TEX101: variants seen among roughly 807,000 people sequenced by gnomAD.
The protein encoded by TEX101 is testis expressed 101.
In TEX101, 10 loss-of-function variants were observed where a neutral mutation model predicts 18.1. That is an observed-to-expected ratio of 0.55 (90% CI 0.34 to 0.94). TEX101 has a LOEUF of 0.94. Among genes scored for constraint, TEX101 ranks in the 40% least tolerant of loss-of-function variants. TEX101 has a pLI of 0.02. For missense variants in TEX101, 259 were observed against 298.9 expected (o/e 0.87, Z 0.98); for synonymous variants, 94 against 114.8 (o/e 0.82, Z 1.16).
At chr19:43,391,413 T>C in the TEX101 span, among the ~76,000 whole-genome samples, 8 of 148,580 alleles carry the variant, frequency 5.4e-5, no homozygotes, top group South Asian at 2.1e-4. Context: ...TTTCTTTTTT[T>C]TTTTTTTTTT....
chr19:43,406,534 C>T (rs1343855291), intron 3 of TEX101: 3 of 699,730 alleles, frequency 4.3e-6, no homozygotes, highest in Admixed American at 2.2e-5. Flanking sequence ...ATGGGCCTTG[C>T]GGGCTGTGGG....
chr19:43,389,947 C>T, the TEX101 span, among the ~76,000 whole-genome samples: 1 of 152,106 alleles, frequency 6.6e-6, no homozygotes, highest in African/African-American at 2.4e-5. Context: ...CAGCAGCATC[C>T]GAGCCAGCTT....
chr19:43,414,635 G>A (rs1970451200), upstream of TEX101, among the ~76,000 whole-genome samples: 1 of 152,176 alleles, frequency 6.6e-6, no homozygotes, highest in African/African-American at 2.4e-5. Flanking sequence ...GGCCAGGCGA[G>A]GCCATCTGGC....
chr19:43,388,838 G>A, the TEX101 span, among the ~76,000 whole-genome samples: 2 of 152,094 alleles, frequency 1.3e-5, no homozygotes, highest in African/African-American at 4.8e-5. Flanking sequence ...GATGTGAGGG[G>A]GGTTTCTGGG....
upstream of TEX101, among the ~76,000 whole-genome samples, chr19:43,412,890 C>T (rs915129116): frequency 1.2e-4 from 19 of 152,200 alleles, no homozygotes; most frequent in African/African-American, 4.6e-4. Context: ...TCCTGCTGCC[C>T]TCCTCCCCCG....
Position 43,416,168 on chromosome 19 carries a change from A to G in TEX101, c.134A>G (p.Asn45Ser), listed in dbSNP as rs779380495. 1 of 1,613,888 alleles carries G rather than the reference A, an allele frequency of 6.2e-7. No homozygotes were observed. Among genetic ancestry groups the G allele is most frequent in the African/African-American group, 1.3e-5 (1 of 74,928 alleles). ...TVEADPANMF[N>S]WTTEEVETCD... The stretch of plus-strand genomic sequence containing the variant: ...GAAGCAGATCCAGCCAATATGTTTA[A>G]CTGGACCACAGAGGAAGTGGAGACT... Residue 45 changes from asparagine to serine, a missense_variant, in exon 3 of 6, where the codon AAC (asparagine) becomes AGC (serine). By Grantham distance (46) the Asn-to-Ser change is conservative (BLOSUM62 1). Coordinates refer to ENST00000598265, the MANE Select transcript of TEX101 (RefSeq NM_001130011.3).
rs1411548374 is a variant in TEX101 at position 43,416,382 on chromosome 19, C to T, written c.218C>T (p.Thr73Ile). The change falls in exon 4 of 6, where the codon ACA becomes ATA. Residue 73 changes from threonine (T) to isoleucine (I), a missense_variant. Transcript: ENST00000598265. ...TILIIKAGTETAILATKGCIP... is the reference protein window; with the variant it reads ...TILIIKAGTEIAILATKGCIP... ...TCCTGTCTCATAACAGGGACTGAGA[C>T]AGCCATTTTGGCCACGAAGGGCTGC... 5 of 1,613,332 alleles carry T rather than the reference C, an allele frequency of 3.1e-6. No homozygotes were observed. In the East Asian group the frequency reaches 8.9e-5, roughly 29 times the overall value.
chr19:43,413,091 A>G (rs1163932776), upstream of TEX101, among the ~76,000 whole-genome samples: 1 of 152,216 alleles, frequency 6.6e-6, no homozygotes, highest in Non-Finnish European at 1.5e-5. Flanking sequence ...ATTATATGAA[A>G]AAGCATTGCA....
Position 43,416,485 on chromosome 19 carries a change from C to G in TEX101, c.321C>G (p.Asn107Lys), listed in dbSNP as rs61736284. The G allele has an allele frequency of 6.2e-7, 1 of 1,614,178 alleles. No individual in the cohort carries two copies. Among genetic ancestry groups the G allele is most frequent in the South Asian group, 1.1e-5 (1 of 91,090 alleles). ...PPGLIVTSYSNYCEDSFCNDK... is the reference protein window; with the variant it reads ...PPGLIVTSYSKYCEDSFCNDK... The stretch of plus-strand genomic sequence containing the variant: ...GCCTGATCGTGACCTCCTACAGTAA[C>G]TACTGTGAGGATTCCTTCTGTAATG... The change falls in exon 4 of 6, where the codon AAC becomes AAG. Residue 107 changes from asparagine (N) to lysine (K), a missense_variant. By Grantham distance (94) the Asn-to-Lys change is moderately conservative. Coordinates refer to ENST00000598265, the MANE Select transcript of TEX101 (RefSeq NM_001130011.3).
At chr19:43,391,238 T>C in the TEX101 span, among the ~76,000 whole-genome samples, 1 of 152,174 alleles carries the variant, frequency 6.6e-6, no homozygotes, top group African/African-American at 2.4e-5. Flanking sequence ...GGGCCCCTGC[T>C]TTCCGTTCTT....
intron 3 of TEX101, among the ~76,000 whole-genome samples, chr19:43,406,924 G>GTTTTTTTT (rs201495986): frequency 9.8e-6 from 1 of 101,970 alleles, no homozygotes; most frequent in African/African-American, 4.4e-5. Flanking sequence ...TTTTGTCTTT[G>GTTTTTTTT]TTTTTTGTTT....
intron 3 of TEX101, 38 bp downstream of exon 3, chr19:43,416,280 A>C: frequency 6.3e-7 from 1 of 1,590,280 alleles, no homozygotes; most frequent in African/African-American, 1.3e-5. Flanking sequence ...GGTAGGAGGG[A>C]GGTTGATTAT....
chr19:43,391,588 T>C, the TEX101 span, among the ~76,000 whole-genome samples: 7 of 152,120 alleles, frequency 4.6e-5, no homozygotes, highest in East Asian at 3.9e-4. Context: ...AGGTAGCACA[T>C]GGTGCATTGT....
At chr19:43,415,182 A>C in intron 1 of TEX101, 144 bp downstream of exon 1, 7 of 423,292 alleles carry the variant, frequency 1.7e-5, no homozygotes, top group South Asian at 1.1e-4. Context: ...CGATCCCTAC[A>C]TAGGACGGGG....
At chr19:43,397,037 C>CCCCCCGTCTCT (rs756107610), upstream of TEX101, among the ~76,000 whole-genome samples, 3,931 of 151,992 alleles carry the variant, frequency 0.026, 61 homozygotes, top group Middle Eastern at 0.099. Flanking sequence ...GGGGTTTCAC[C>CCCCCCGTCTCT]ATGTTAGCCA....
chr19:43,388,692 G>A, the TEX101 span, among the ~76,000 whole-genome samples: 3 of 152,234 alleles, frequency 2.0e-5, no homozygotes, highest in Admixed American at 6.5e-5. Flanking sequence ...TGGAGACCAT[G>A]TGTGTAACGG....
chr19:43,398,467 G>C (rs1970292770), upstream of TEX101, among the ~76,000 whole-genome samples: 1 of 151,272 alleles, frequency 6.6e-6, no homozygotes, highest in Non-Finnish European at 1.5e-5. Context: ...GTAGAGACAG[G>C]GTTTCACCAT....
At chr19:43,393,013 G>A in the TEX101 span, among the ~76,000 whole-genome samples, 2 of 151,328 alleles carry the variant, frequency 1.3e-5, no homozygotes, top group African/African-American at 4.9e-5. Flanking sequence ...AGCCAAGATT[G>A]TGCCACTGCA....
At chr19:43,397,858 T>A (rs868450669), upstream of TEX101, among the ~76,000 whole-genome samples, 11 of 75,356 alleles carry the variant, frequency 1.5e-4, no homozygotes, top group East Asian at 7.8e-4. Context: ...ATAATATATA[T>A]AAATATATAA....
Sources: gnomAD v4.1 joint callset for allele counts (sites outside exome capture counted in the v4.1 genomes callset) on GRCh38, gnomAD v4.1.1 for gene constraint, MANE v1.5 for transcripts, NCBI Gene and HGNC (gene_info 2026-07-23, HGNC 2026-07-21) for gene names.